Variants in NBPF8 observed in about 807,000 individuals in gnomAD.
NBPF8 encodes the protein NBPF member 8, also known as NBPF family member NBPF8.
intron 3 of NBPF8, among the ~76,000 whole-genome samples, 165 bp downstream of exon 3, chr1:120,428,012 ATTCTTTAGATAATAATTT>A (rs1397750914): frequency 6.6e-6 from 1 of 152,222 alleles, no homozygotes; most frequent in African/African-American, 2.4e-5. Flanking sequence ...TTTTCTAAAC[ATTCTTTAGATAATAATTT>A]TATGGGCATT....
chr1:120,453,286 G>T (rs2101681020), intron 13 of NBPF8, 86 bp from the exon 12 acceptor site: 1 of 584,754 alleles, frequency 1.7e-6, no homozygotes, highest in East Asian at 2.7e-5. Context: ...ATGCCTAGAT[G>T]TTCATGTCTC....
intron 3 of NBPF8, among the ~76,000 whole-genome samples, chr1:120,428,152 G>C (rs1282033899): frequency 5.3e-5 from 8 of 151,768 alleles, no homozygotes; most frequent in Non-Finnish European, 1.0e-4. Flanking sequence ...TTTGTTGTCT[G>C]TCCCCTCCCT....
At chr1:120,425,483 C>G (rs1252949651) in intron 1 of NBPF8, among the ~76,000 whole-genome samples, 3 of 152,092 alleles carry the variant, frequency 2.0e-5, no homozygotes, top group Non-Finnish European at 2.9e-5. Flanking sequence ...CTGATCTTGT[C>G]TCCACTATTA....
chr1:120,418,819 A>G (rs1213899908), upstream of NBPF8, among the ~76,000 whole-genome samples: 6 of 150,828 alleles, frequency 4.0e-5, no homozygotes, highest in Admixed American at 2.6e-4. Flanking sequence ...AAGTGTTGGG[A>G]TTACAGGCAT....
At chr1:120,465,770 CTCTG>C (rs1661725833) in intron 24 of NBPF8, among the ~76,000 whole-genome samples, 2 of 151,664 alleles carry the variant, frequency 1.3e-5, no homozygotes, top group Non-Finnish European at 1.5e-5. Context: ...CTGTCTCTGT[CTCTG>C]TCTCTCTCTC....
intron 15 of NBPF8, 131 bp downstream of exon 13, chr1:120,454,245 G>A: frequency 6.4e-7 from 1 of 1,551,270 alleles, no homozygotes; most frequent in South Asian, 1.2e-5. Context: ...ATATCAGGGA[G>A]TTTTTTTGTC....
chr1:120,421,527 C>T (rs1660577550), intron 1 of NBPF8, among the ~76,000 whole-genome samples: 1 of 150,366 alleles, frequency 6.7e-6, no homozygotes, highest in African/African-American at 2.5e-5. Flanking sequence ...TTCCTTCCTC[C>T]CTTCCTCCTT....
At chr1:120,425,243 A>T (rs1660689073) in intron 1 of NBPF8, among the ~76,000 whole-genome samples, 1 of 151,750 alleles carries the variant, frequency 6.6e-6, no homozygotes. Context: ...AGAGGAAGGC[A>T]TCTGTCTCCT....
At chr1:120,452,896 C>T (rs1279249866) in intron 13 of NBPF8, among the ~76,000 whole-genome samples, 7 of 152,130 alleles carry the variant, frequency 4.6e-5, no homozygotes, top group South Asian at 2.1e-4. Context: ...CAGACTGGAG[C>T]GCTCCCCATG....
chr1:120,433,422 CTT>C (rs1660942913), upstream of NBPF8: 1 of 152,584 alleles, frequency 6.6e-6, no homozygotes. Flanking sequence ...TTAGTAGAAA[CTT>C]TTTTATTCAT....
At chr1:120,421,439 C>T (rs1329346345) in intron 1 of NBPF8, among the ~76,000 whole-genome samples, 1 of 150,438 alleles carries the variant, frequency 6.6e-6, no homozygotes, top group South Asian at 2.1e-4. Flanking sequence ...TCCCTCCTTC[C>T]CTTCTGCCTT....
chr1:120,462,345 A>G, intron 20 of NBPF8, 148 bp downstream of exon 18: 2 of 689,340 alleles, frequency 2.9e-6, no homozygotes, highest in East Asian at 2.7e-5. Flanking sequence ...ATTGCAGAAG[A>G]TGTTTAGGTT....
intron 3 of NBPF8, among the ~76,000 whole-genome samples, chr1:120,428,160 C>T (rs1398001485): frequency 6.6e-6 from 1 of 151,920 alleles, no homozygotes; most frequent in Non-Finnish European, 1.5e-5. Context: ...CTGTCCCCTC[C>T]CTTTATGTAC....
exon 25 of NBPF8, chr1:120,466,090 T>C: frequency 6.2e-7 from 1 of 1,611,744 alleles, no homozygotes; most frequent in Non-Finnish European, 8.5e-7. Flanking sequence ...ATTCCAGCAC[T>C]ACAGAAGTGT....
chr1:120,467,589 C>T (rs1181527728), exon 25 of NBPF8: 2 of 133,446 alleles, frequency 1.5e-5, no homozygotes, highest in African/African-American at 2.9e-5. Context: ...ATTCATATCT[C>T]TACACTGCAA....
downstream of NBPF8, among the ~76,000 whole-genome samples, chr1:120,469,035 G>C (rs1186185005): frequency 6.6e-6 from 1 of 151,056 alleles, no homozygotes; most frequent in South Asian, 2.1e-4. Context: ...ATCATCCTAG[G>C]TGGACTTGCT....
chr1:120,428,274 G>A lies in NBPF8; in HGVS notation n.510+427G>A, dbSNP rs1220347684. ...GAGTGTCTTATCTGAAATACCACCA[G>A]GAATGTCTGGACACAGTAGACAAAG... On this transcript the variant is annotated intron_variant and non_coding_transcript_variant, in intron 3 of 28. Transcript: ENST00000652355. Among the ~76,000 whole-genome samples, 112 of 152,276 alleles carry A rather than the reference G, an allele frequency of 7.4e-4. 1 individual carries two copies. The highest frequency in any genetic ancestry group is 1.6e-3 in the Admixed American group (25 of 15,298).
chr1:120,419,391 C>T (rs1291896171), upstream of NBPF8, among the ~76,000 whole-genome samples: 1 of 152,134 alleles, frequency 6.6e-6, no homozygotes, highest in East Asian at 1.9e-4. Flanking sequence ...CTCTTAATTC[C>T]CTAACAGAAA....
chr1:120,462,026 C>T (rs1477826062), intron 19 of NBPF8, 120 bp from the exon 18 acceptor site: 1 of 342,010 alleles, frequency 2.9e-6, no homozygotes, highest in African/African-American at 5.2e-5. Flanking sequence ...GAATATCTCT[C>T]ACAGTGTCCT....
Sources: allele counts gnomAD v4.1 joint callset (sites outside exome capture counted in the v4.1 genomes callset), GRCh38; gene constraint gnomAD v4.1.1; transcripts MANE v1.5; gene names NCBI Gene and HGNC (gene_info 2026-07-23, HGNC 2026-07-21).